Variants in NFIA observed in about 807,000 individuals in gnomAD.
The protein encoded by NFIA is nuclear factor 1 A-type.
In NFIA, 8 loss-of-function variants were observed where a neutral mutation model predicts 62.8. That is an observed-to-expected ratio of 0.13 (90% CI 0.07 to 0.23). The LOEUF is 0.23. Among genes scored for constraint, NFIA ranks in the 10% least tolerant of loss-of-function variants. The pLI, the probability that NFIA is intolerant of heterozygous loss-of-function variation, is 1.00. For synonymous variants in NFIA, 235 were observed against 238.1 expected, an observed-to-expected ratio of 0.99 and a Z score of 0.12; for missense variants, 410 against 642.1, an observed-to-expected ratio of 0.64 and a Z score of 3.91.
intron 2 of NFIA, among the ~76,000 whole-genome samples, chr1:61,165,104 T>G (rs1011362399): frequency 5.9e-5 from 9 of 152,164 alleles, no homozygotes; most frequent in Non-Finnish European, 1.2e-4. Flanking sequence ...TTGGAAAAGT[T>G]TATTTAGAGT....
chr1:61,166,969 A>G (rs1649612549), intron 2 of NFIA, among the ~76,000 whole-genome samples: 5 of 152,028 alleles, frequency 3.3e-5, no homozygotes, highest in Admixed American at 2.0e-4. Flanking sequence ...GTGAAACCCC[A>G]TCTCTACTAA....
At position 61,455,645 on chromosome 1, in the gene NFIA, A is replaced by G; in HGVS notation, c.*325A>G. On this transcript the variant is annotated 3_prime_UTR_variant, in exon 11 of 11. Transcript: ENST00000403491. The stretch of plus-strand genomic sequence containing the variant: ...TAGGTGACGTGGCTAGCGGAGGACT[A>G]CCCTTGCTCACTGACTTCCTGTTGT... 2.5e-6 allele frequency: 1 copy of G among 399,658 alleles called. No individual in the cohort carries two copies. The highest frequency in any genetic ancestry group is 4.4e-6 in the Non-Finnish European group (1 of 227,434). 24.8% of individuals were successfully genotyped at this position (399,658 alleles called of 1,614,324 possible).
At chr1:61,198,742 T>C (rs912499684) in intron 2 of NFIA, among the ~76,000 whole-genome samples, 8 of 152,176 alleles carry the variant, frequency 5.3e-5, no homozygotes, top group Non-Finnish European at 1.0e-4. Flanking sequence ...CAGAGAACTT[T>C]GCTTCTGCCA....
chr1:61,169,586 G>A (rs1649810605), intron 2 of NFIA, among the ~76,000 whole-genome samples: 1 of 152,176 alleles, frequency 6.6e-6, no homozygotes, highest in Non-Finnish European at 1.5e-5. Context: ...TCTACCTTGT[G>A]TGTTAGGTGT....
intron 3 of NFIA, among the ~76,000 whole-genome samples, chr1:61,294,374 G>A (rs1377141074): frequency 6.6e-6 from 1 of 152,204 alleles, no homozygotes; most frequent in Non-Finnish European, 1.5e-5. Flanking sequence ...GTAGAACTGA[G>A]AGCCTTGATG....
rs1178024990 is a variant in NFIA at position 61,460,044 on chromosome 1, G to A, written c.*4724G>A. ...AACACAACCACCATAGTAATGTAAG[G>A]AGAGCTTCAGTGGCACCTCAAAACC... On this transcript the variant is annotated 3_prime_UTR_variant, in exon 11 of 11. Transcript: ENST00000403491. 6.6e-6 allele frequency: 1 copy of A among 152,052 alleles called. No individual in the cohort carries two copies. 9.4% of individuals were successfully genotyped at this position (152,052 alleles called of 1,614,324 possible).
At chr1:61,189,163 T>G (rs1258330174) in intron 2 of NFIA, among the ~76,000 whole-genome samples, 2 of 152,150 alleles carry the variant, frequency 1.3e-5, no homozygotes, top group Non-Finnish European at 1.5e-5. Flanking sequence ...AGCAGTGGTC[T>G]TGGCAGGTCG....
chr1:61,310,533 A>G (rs61770518), intron 3 of NFIA, among the ~76,000 whole-genome samples: 17 of 152,170 alleles, frequency 1.1e-4, no homozygotes, highest in Non-Finnish European at 2.5e-4. Context: ...GGGATCTTAA[A>G]TGTCTCGTAA....
intron 2 of NFIA, among the ~76,000 whole-genome samples, chr1:61,256,616 G>C (rs1229601980): frequency 6.6e-6 from 1 of 152,084 alleles, no homozygotes; most frequent in African/African-American, 2.4e-5. Context: ...TCTGAGCCCA[G>C]ATTCTACCTT....
At chr1:61,417,803 G>T (rs1413481535) in intron 9 of NFIA, among the ~76,000 whole-genome samples, 1 of 152,044 alleles carries the variant, frequency 6.6e-6, no homozygotes, top group Non-Finnish European at 1.5e-5. Flanking sequence ...ATTAAAATTG[G>T]AATTTTAGGG....
chr1:61,398,124 A>G (rs1665373805), intron 7 of NFIA, among the ~76,000 whole-genome samples: 1 of 152,216 alleles, frequency 6.6e-6, no homozygotes, highest in South Asian at 2.1e-4. Flanking sequence ...ATTTGAAAAT[A>G]AACTTTTATT....
chr1:61,243,487 A>AATG (rs1655464228), intron 2 of NFIA, among the ~76,000 whole-genome samples: 1 of 152,210 alleles, frequency 6.6e-6, no homozygotes, highest in Non-Finnish European at 1.5e-5. Flanking sequence ...ACAGTAAATC[A>AATG]TAGTGCATTT....
intron 2 of NFIA, among the ~76,000 whole-genome samples, chr1:61,107,855 T>G (rs1646630912): frequency 6.6e-6 from 1 of 151,708 alleles, no homozygotes; most frequent in Non-Finnish European, 1.5e-5. Context: ...GGGATCCAAT[T>G]TCATTTTATT....
At chr1:61,383,805 ACT>A (rs1411361467) in intron 7 of NFIA, among the ~76,000 whole-genome samples, 1 of 151,754 alleles carries the variant, frequency 6.6e-6, no homozygotes, top group African/African-American at 2.4e-5. Flanking sequence ...ATCCCTGCTG[ACT>A]CTCTTTCCAT....
At chr1:61,127,964 A>T (rs1647004983) in intron 2 of NFIA, among the ~76,000 whole-genome samples, 1 of 152,124 alleles carries the variant, frequency 6.6e-6, no homozygotes, top group African/African-American at 2.4e-5. Flanking sequence ...GTAGACCGGG[A>T]GCTCCTCAAG....
chr1:61,338,355 T>C (rs1264036323), intron 4 of NFIA, among the ~76,000 whole-genome samples: 1 of 151,924 alleles, frequency 6.6e-6, no homozygotes, highest in African/African-American at 2.4e-5. Flanking sequence ...AGAGTGGGAG[T>C]GAATGGAACC....
intron 2 of NFIA, among the ~76,000 whole-genome samples, chr1:61,124,506 G>A (rs571290917): frequency 3.0e-4 from 46 of 152,146 alleles, no homozygotes; most frequent in Admixed American, 4.6e-4. Flanking sequence ...TGCAAGAGGA[G>A]CAGGCATTCC....
At chr1:61,253,932 A>G (rs1021036694) in intron 2 of NFIA, among the ~76,000 whole-genome samples, 1 of 152,120 alleles carries the variant, frequency 6.6e-6, no homozygotes, top group Non-Finnish European at 1.5e-5. Context: ...AAGTATAGGC[A>G]TTATTATTTT....
At chr1:61,333,768 C>A (rs191650973) in intron 4 of NFIA, among the ~76,000 whole-genome samples, 12 of 152,252 alleles carry the variant, frequency 7.9e-5, no homozygotes, top group Admixed American at 7.8e-4. Flanking sequence ...GAGGCCGAGG[C>A]AGGTGGATCA....
Sources: allele counts gnomAD v4.1 joint callset (sites outside exome capture counted in the v4.1 genomes callset), GRCh38; gene constraint gnomAD v4.1.1; transcripts MANE v1.5; gene names NCBI Gene and HGNC (gene_info 2026-07-23, HGNC 2026-07-21).